KLF12: variants seen among roughly 807,000 people sequenced by gnomAD.
The protein encoded by KLF12 is Krueppel-like factor 12.
In KLF12, 9 loss-of-function variants were observed where a neutral mutation model predicts 37.8. The ratio of observed to expected loss-of-function variants is 0.24; its 90% CI spans 0.14 to 0.42. The LOEUF (loss-of-function observed/expected upper bound fraction) is 0.42. Ranked by LOEUF, KLF12 falls within the 10% of genes least tolerant of loss-of-function variation. KLF12 has a pLI of 1.00. For missense variants in KLF12, 411 were observed against 516.0 expected, an observed-to-expected ratio of 0.80 and a Z score of 1.97; for synonymous variants, 208 against 202.1, an observed-to-expected ratio of 1.03 and a Z score of -0.25.
chr13:74,217,723 T>C, the KLF12 span, among the ~76,000 whole-genome samples: 3 of 152,114 alleles, frequency 2.0e-5, no homozygotes, highest in African/African-American at 7.2e-5. Flanking sequence ...TGAGACTCCG[T>C]CTCAAAAAAA....
chr13:74,052,306 C>T (rs1872973945), intron 1 of KLF12, among the ~76,000 whole-genome samples: 1 of 147,024 alleles, frequency 6.8e-6, no homozygotes, highest in Non-Finnish European at 1.5e-5. Flanking sequence ...AAAAACTGGG[C>T]CACAGACAGG....
chr13:74,303,326 T>G, the KLF12 span, among the ~76,000 whole-genome samples: 2 of 152,180 alleles, frequency 1.3e-5, no homozygotes, highest in East Asian at 3.9e-4. Context: ...ATTGAATTCC[T>G]GTCTTTCCTA....
the KLF12 span, among the ~76,000 whole-genome samples, chr13:74,178,250 C>T: frequency 6.6e-6 from 1 of 152,206 alleles, no homozygotes; most frequent in Non-Finnish European, 1.5e-5. Context: ...TGACAAGCTC[C>T]CAAGACCTCC....
chr13:74,162,679 GT>G, the KLF12 span, among the ~76,000 whole-genome samples: 1 of 152,114 alleles, frequency 6.6e-6, no homozygotes, highest in African/African-American at 2.4e-5. Flanking sequence ...CATGTACATA[GT>G]TTTTATTTTC....
At chr13:73,994,098 G>T (rs1892041549) in intron 2 of KLF12, among the ~76,000 whole-genome samples, 1 of 152,204 alleles carries the variant, frequency 6.6e-6, no homozygotes, top group South Asian at 2.1e-4. Flanking sequence ...TAGCAATGAG[G>T]ATGGAAGAAG....
chr13:73,931,827 T>A (rs1225943906), intron 3 of KLF12, among the ~76,000 whole-genome samples: 32 of 146,846 alleles, frequency 2.2e-4, no homozygotes, highest in Admixed American at 2.1e-3. Flanking sequence ...TTTTTTTTTT[T>A]ACCATTTACA....
intron 3 of KLF12, among the ~76,000 whole-genome samples, chr13:73,922,693 G>A (rs562969495): frequency 6.6e-6 from 1 of 152,240 alleles, no homozygotes; most frequent in South Asian, 2.1e-4. Context: ...TAAATTAAAA[G>A]ACAGTGAACA....
chr13:73,927,005 A>C (rs1033984547), intron 3 of KLF12, among the ~76,000 whole-genome samples: 1 of 152,204 alleles, frequency 6.6e-6, no homozygotes. Flanking sequence ...AATTGAAATA[A>C]AGTCATACGA....
At chr13:74,038,944 T>A (rs1893327829) in intron 1 of KLF12, among the ~76,000 whole-genome samples, 1 of 151,992 alleles carries the variant, frequency 6.6e-6, no homozygotes, top group South Asian at 2.1e-4. Context: ...AGAATTTGAA[T>A]ATCTATAACT....
chr13:73,949,478 G>A (rs1354076677), intron 2 of KLF12, among the ~76,000 whole-genome samples: 1 of 152,034 alleles, frequency 6.6e-6, no homozygotes. Flanking sequence ...TTAACTTGAT[G>A]AGATTATATG....
intron 3 of KLF12, among the ~76,000 whole-genome samples, chr13:73,880,500 G>A (rs1447846816): frequency 2.0e-5 from 3 of 152,166 alleles, no homozygotes; most frequent in Admixed American, 2.0e-4. Context: ...GTCCTGATGA[G>A]GAATTGCCTC....
chr13:73,767,513 G>A (rs1879996037), intron 5 of KLF12, among the ~76,000 whole-genome samples: 1 of 152,174 alleles, frequency 6.6e-6, no homozygotes, highest in African/African-American at 2.4e-5. Context: ...GGGCAATCTT[G>A]GTTGTTGTGT....
the KLF12 span, among the ~76,000 whole-genome samples, chr13:74,209,815 TG>T: frequency 6.6e-6 from 1 of 152,200 alleles, no homozygotes; most frequent in Non-Finnish European, 1.5e-5. Context: ...TATTGTTAGT[TG>T]TACTTCTCTA....
At chr13:74,263,397 A>C in the KLF12 span, among the ~76,000 whole-genome samples, 1 of 152,238 alleles carries the variant, frequency 6.6e-6, no homozygotes, top group South Asian at 2.1e-4. Flanking sequence ...AAAGACTCTG[A>C]CTCTATGAAT....
At chr13:73,972,726 G>A (rs1044581139) in intron 2 of KLF12, among the ~76,000 whole-genome samples, 3 of 150,188 alleles carry the variant, frequency 2.0e-5, no homozygotes, top group East Asian at 2.0e-4. Flanking sequence ...TTGCCCCAGC[G>A]TGACCCACTA....
chr13:73,798,617 C>A lies in KLF12; in HGVS notation c.806+14535G>T, dbSNP rs1371061316. Among the ~76,000 whole-genome samples, 7 of 152,072 alleles carry A rather than the reference C, an allele frequency of 4.6e-5. 1 individual carries two copies. The highest frequency in any genetic ancestry group is 4.6e-4 in the Admixed American group (7 of 15,268). Reference sequence around the variant, plus strand: ...AATGTGGGCAAAGGACATGAACAGACACTTCTCAAAAGAATAGATAATGTC... The same window carrying A: ...AATGTGGGCAAAGGACATGAACAGAAACTTCTCAAAAGAATAGATAATGTC... On this transcript the variant is annotated intron_variant, in intron 5 of 7. Transcript: ENST00000377669.
intron 3 of KLF12, among the ~76,000 whole-genome samples, chr13:73,881,567 C>G (rs1434792501): frequency 6.6e-6 from 1 of 152,030 alleles, no homozygotes; most frequent in African/African-American, 2.4e-5. Context: ...AAAAGTTTCT[C>G]AAATAATATT....
chr13:74,131,243 C>T (rs1010570498), intron 1 of KLF12, among the ~76,000 whole-genome samples: 1 of 152,146 alleles, frequency 6.6e-6, no homozygotes, highest in Non-Finnish European at 1.5e-5. Context: ...GCATACTTTC[C>T]CTGAACAGGA....
chr13:74,071,126 C>A (rs777545397), intron 1 of KLF12, among the ~76,000 whole-genome samples: 7 of 152,248 alleles, frequency 4.6e-5, no homozygotes, highest in Non-Finnish European at 7.4e-5. Context: ...CTTTATTCAT[C>A]ATGAGAATGG....
Sources: allele counts gnomAD v4.1 joint callset (sites outside exome capture counted in the v4.1 genomes callset), GRCh38; gene constraint gnomAD v4.1.1; transcripts MANE v1.5; gene names NCBI Gene and HGNC (gene_info 2026-07-23, HGNC 2026-07-21).